The following WDPCP variants were observed in gnomAD, a reference collection of about 807,000 sequenced individuals.
WDPCP encodes the protein WD repeat containing planar cell polarity effector, also known as WD repeat-containing and planar cell polarity effector protein fritz homolog.
A neutral mutation model predicts 93.1 loss-of-function variants in WDPCP; 71 were observed. The ratio of observed to expected loss-of-function variants is 0.76; its 90% CI spans 0.63 to 0.93. The LOEUF is 0.93. Ranked by LOEUF, WDPCP falls within the 40% of genes least tolerant of loss-of-function variation. The pLI is 0.00. For missense variants in WDPCP, 844 were observed against 887.4 expected, an observed-to-expected ratio of 0.95 and a Z score of 0.62; for synonymous variants, 315 against 315.0, an observed-to-expected ratio of 1.00 and a Z score of 0.00.
intron 2 of WDPCP, among the ~76,000 whole-genome samples, chr2:63,800,948 G>T (rs1485074361): frequency 1.3e-5 from 2 of 152,164 alleles, no homozygotes; most frequent in Non-Finnish European, 2.9e-5. Context: ...CAGCTACTCC[G>T]GAGGCTGAGG....
intron 3 of WDPCP, chr2:63,605,514 C>G: frequency 1.4e-6 from 1 of 718,330 alleles, no homozygotes; most frequent in Non-Finnish European, 2.3e-6. Context: ...GCTCAGCTGC[C>G]TATTAACAAG....
At chr2:63,346,282 C>G (rs1689184858) in intron 12 of WDPCP, among the ~76,000 whole-genome samples, 1 of 152,082 alleles carries the variant, frequency 6.6e-6, no homozygotes, top group African/African-American at 2.4e-5. Context: ...TCATCTGAAG[C>G]CGAGATGAGA....
At chr2:63,684,799 C>A in intron 2 of WDPCP, 1 of 405,608 alleles carries the variant, frequency 2.5e-6, no homozygotes, top group Non-Finnish European at 4.7e-6. Context: ...TGCAATAAAA[C>A]TAAAAATCAA....
At chr2:63,354,708 ATATG>A (rs1216558629) in intron 12 of WDPCP, among the ~76,000 whole-genome samples, 2 of 144,344 alleles carry the variant, frequency 1.4e-5, no homozygotes, top group African/African-American at 2.6e-5. Context: ...ATGTATGTAT[ATATG>A]TATGTGTGTG....
chr2:63,166,160 G>A (rs1030619641), intron 15 of WDPCP, among the ~76,000 whole-genome samples: 13 of 151,864 alleles, frequency 8.6e-5, no homozygotes, highest in Admixed American at 3.3e-4. Context: ...TCCGCCTCTC[G>A]GGTCCAAGCA....
Position 63,587,449 on chromosome 2 carries a change from C to G in WDPCP, c.75+748G>C, listed in dbSNP as rs747468044. On this transcript the variant is annotated intron_variant, in intron 1 of 17. Coordinates refer to ENST00000272321, the MANE Select transcript of WDPCP (RefSeq NM_015910.7). ...AATAAATGCTAAAAGTAAAGCATTACATTTCTTTCCAAAAATAGCAAATCC... is the reference window on the plus strand; with the variant it reads ...AATAAATGCTAAAAGTAAAGCATTAGATTTCTTTCCAAAAATAGCAAATCC... Among the ~76,000 whole-genome samples, 3 of 152,158 alleles carry G rather than the reference C, an allele frequency of 2.0e-5. No homozygotes were observed. The South Asian group carries it at 6.2e-4, about 32-fold the overall frequency.
chr2:63,323,976 C>T (rs1040228714), intron 12 of WDPCP, among the ~76,000 whole-genome samples: 17 of 152,030 alleles, frequency 1.1e-4, no homozygotes, highest in African/African-American at 4.1e-4. Flanking sequence ...GGGAAACACT[C>T]AGGCATCAAC....
At chr2:63,388,286 C>G (rs1258086052) in intron 10 of WDPCP, among the ~76,000 whole-genome samples, 1 of 152,068 alleles carries the variant, frequency 6.6e-6, no homozygotes, top group African/African-American at 2.4e-5. Flanking sequence ...CCAGCAAACT[C>G]CAACAGCCCT....
chr2:63,290,872 T>C (rs1467240230), intron 13 of WDPCP, among the ~76,000 whole-genome samples: 1 of 152,180 alleles, frequency 6.6e-6, no homozygotes, highest in African/African-American at 2.4e-5. Flanking sequence ...CTCTCATCAC[T>C]AGTTTTCAGT....
At chr2:63,204,362 A>T in intron 14 of WDPCP, among the ~76,000 whole-genome samples, 1 of 108,310 alleles carries the variant, frequency 9.2e-6, no homozygotes, top group Non-Finnish European at 1.8e-5. Flanking sequence ...TTTTTTTGAG[A>T]CAGAGTCTCA....
chr2:63,353,680 A>G lies in WDPCP; in HGVS notation c.1748+24706T>C, dbSNP rs1689796591. On this transcript the variant is annotated intron_variant, in intron 12 of 17. Transcript: ENST00000272321. ...CCTCACTTGGCAGGACCTCCCAACT[A>G]GGGTCTCCATCCACCTCCTACAGGT... Among the ~76,000 whole-genome samples the G allele has an allele frequency of 3.3e-5, 5 of 151,978 alleles. No individual in the cohort carries two copies. The South Asian group carries it at 1.0e-3, about 32-fold the overall frequency.
intron 2 of WDPCP, among the ~76,000 whole-genome samples, chr2:63,712,017 T>C (rs535878730): frequency 2.2e-4 from 33 of 152,232 alleles, no homozygotes; most frequent in African/African-American, 7.9e-4. Flanking sequence ...TCTCCCTATA[T>C]CAGAGAGAGG....
intron 3 of WDPCP, among the ~76,000 whole-genome samples, chr2:63,631,595 CCT>C (rs142653934): frequency 0.014 from 2,147 of 152,106 alleles, 49 homozygotes; most frequent in African/African-American, 0.05. Flanking sequence ...TAAAAATAGC[CCT>C]GAGAGGGCTC....
At chr2:63,241,317 T>C (rs1401400527) in intron 14 of WDPCP, among the ~76,000 whole-genome samples, 1 of 152,050 alleles carries the variant, frequency 6.6e-6, no homozygotes, top group Non-Finnish European at 1.5e-5. Flanking sequence ...CATTACATAA[T>C]AAAGGAGGAA....
At chr2:63,768,931 C>A (rs1670185602) in intron 2 of WDPCP, among the ~76,000 whole-genome samples, 1 of 151,860 alleles carries the variant, frequency 6.6e-6, no homozygotes, top group Non-Finnish European at 1.5e-5. Flanking sequence ...CTCTTTGGTC[C>A]TAGAGATTAG....
intron 2 of WDPCP, among the ~76,000 whole-genome samples, chr2:63,708,503 C>T (rs372714643): frequency 2.0e-5 from 3 of 152,166 alleles, no homozygotes; most frequent in Non-Finnish European, 4.4e-5. Context: ...GGGAGTGACC[C>T]GATTTTCCAG....
chr2:63,732,540 T>C (rs1197706842), intron 2 of WDPCP, among the ~76,000 whole-genome samples: 13 of 152,196 alleles, frequency 8.5e-5, no homozygotes, highest in Non-Finnish European at 1.8e-4. Context: ...GATATATACT[T>C]ATTAGAGAAT....
intron 12 of WDPCP, among the ~76,000 whole-genome samples, chr2:63,334,083 C>A (rs1474079494): frequency 1.3e-5 from 2 of 152,112 alleles, no homozygotes; most frequent in African/African-American, 4.8e-5. Context: ...GGAGGGGTAC[C>A]ATCAAATTTG....
intron 14 of WDPCP, among the ~76,000 whole-genome samples, chr2:63,212,041 A>G (rs538030816): frequency 1.3e-5 from 2 of 152,272 alleles, no homozygotes; most frequent in South Asian, 4.1e-4. Flanking sequence ...CTTGGAAAAC[A>G]CTCTTGAGGA....
Sources: allele counts gnomAD v4.1 joint callset (sites outside exome capture counted in the v4.1 genomes callset), GRCh38; gene constraint gnomAD v4.1.1; transcripts MANE v1.5; gene names NCBI Gene and HGNC (gene_info 2026-07-23, HGNC 2026-07-21).